The following PRUNE2 variants were observed in gnomAD, a reference collection of about 807,000 sequenced individuals.
The protein encoded by PRUNE2 is protein prune homolog 2.
A neutral mutation model predicts 252.0 loss-of-function variants in PRUNE2; 164 were observed. The observed-to-expected ratio is 0.65, with a 90% CI of 0.57 to 0.74. PRUNE2 has a LOEUF of 0.74. Among genes scored for constraint, PRUNE2 ranks in the 30% least tolerant of loss-of-function variants. The probability of loss-of-function intolerance (pLI) is 0.00; values close to 1 mark genes in which losing one functional copy is unlikely to be tolerated. For synonymous variants in PRUNE2, 1,292 were observed against 1,350.2 expected (o/e 0.96, Z 0.94); for missense variants, 3,495 against 3,711.0 (o/e 0.94, Z 1.51).
At chr9:76,659,519 A>T (rs765853540) in intron 9 of PRUNE2, among the ~76,000 whole-genome samples, 14 of 152,156 alleles carry the variant, frequency 9.2e-5, no homozygotes, top group Non-Finnish European at 1.6e-4. Context: ...CTTTAGATTG[A>T]CTTATTTTAT....
intron 4 of PRUNE2, among the ~76,000 whole-genome samples, chr9:76,842,461 T>C: frequency 6.6e-6 from 1 of 151,458 alleles, no homozygotes. Context: ...CCAAAAGCAA[T>C]GGCAACAAAA....
chr9:76,619,489 C>T, intron 17 of PRUNE2, 102 bp from the exon 18 acceptor site: 2 of 762,590 alleles, frequency 2.6e-6, no homozygotes, highest in Non-Finnish European at 4.5e-6. Flanking sequence ...AATGTGGTCC[C>T]ATTGCTAATA....
intron 6 of PRUNE2, among the ~76,000 whole-genome samples, chr9:76,754,964 C>CAAAA (rs11292120): frequency 4.4e-4 from 30 of 67,960 alleles, no homozygotes; most frequent in African/African-American, 1.2e-3. Context: ...GACTCGGTCT[C>CAAAA]AAAAAAAAAA....
chr9:76,614,500 C>G lies in PRUNE2; in HGVS notation c.*70G>C, dbSNP rs998248331. On this transcript the variant is annotated 3_prime_UTR_variant, in exon 19 of 19. Coordinates refer to ENST00000376718, the MANE Select transcript of PRUNE2 (RefSeq NM_015225.3). The stretch of plus-strand genomic sequence containing the variant: ...TGGAAAAAGGTAACATCAGCCCTGT[C>G]TCTTTCAGGTAGATATGTTTCAACA... The G allele has an allele frequency of 1.5e-6, 2 of 1,295,924 alleles. No homozygotes were observed. The highest frequency in any genetic ancestry group is 2.9e-5 in the African/African-American group (2 of 68,354). 80.3% of individuals were successfully genotyped at this position (1,295,924 alleles called of 1,614,324 possible).
At chr9:76,731,054 A>G (rs1043838311) in intron 6 of PRUNE2, among the ~76,000 whole-genome samples, 2 of 152,176 alleles carry the variant, frequency 1.3e-5, no homozygotes, top group Admixed American at 1.3e-4. Flanking sequence ...ATGATTTCAC[A>G]CTGAGAATAT....
chr9:76,680,181 AAAATGGGCAAAAG>A (rs2043267053), intron 9 of PRUNE2, among the ~76,000 whole-genome samples: 1 of 152,354 alleles, frequency 6.6e-6, no homozygotes, highest in South Asian at 2.1e-4. Flanking sequence ...ACCTGATTAA[AAAATGGGCAAAAG>A]AAATGGGCAA....
At chr9:76,640,684 C>G (rs1842210367) in intron 12 of PRUNE2, among the ~76,000 whole-genome samples, 1 of 152,068 alleles carries the variant, frequency 6.6e-6, no homozygotes, top group Non-Finnish European at 1.5e-5. Context: ...TTGCTTGTTA[C>G]AATAATTTCA....
intron 1 of PRUNE2, 55 bp downstream of exon 1, chr9:76,905,873 C>T: frequency 6.2e-7 from 1 of 1,610,980 alleles, no homozygotes; most frequent in South Asian, 1.1e-5. Flanking sequence ...TCCTCTCCAC[C>T]TTTCCATTAG....
intron 1 of PRUNE2, among the ~76,000 whole-genome samples, chr9:76,870,278 T>A (rs1216346999): frequency 7.9e-6 from 1 of 126,128 alleles, no homozygotes; most frequent in East Asian, 2.4e-4. Flanking sequence ...CTCCCTAACT[T>A]TTTTTTTTTT....
intron 4 of PRUNE2, among the ~76,000 whole-genome samples, chr9:76,844,467 T>C (rs942864408): frequency 6.6e-6 from 1 of 152,172 alleles, no homozygotes; most frequent in Non-Finnish European, 1.5e-5. Flanking sequence ...ACTATGCTTT[T>C]CCTACAGCCT....
intron 7 of PRUNE2, 55 bp from the exon 8 acceptor site, chr9:76,711,413 A>G (rs2046722929): frequency 1.7e-6 from 2 of 1,173,606 alleles, no homozygotes; most frequent in South Asian, 3.0e-5. Flanking sequence ...GCACTTTGCA[A>G]TTGCACTTTG....
chr9:76,831,230 A>G (rs535024975), intron 4 of PRUNE2, among the ~76,000 whole-genome samples: 9 of 152,232 alleles, frequency 5.9e-5, no homozygotes, highest in Non-Finnish European at 7.4e-5. Context: ...CACCCAGCCA[A>G]CAAATTCTAA....
chr9:76,678,182 T>A (rs2134142493), intron 9 of PRUNE2, among the ~76,000 whole-genome samples: 1 of 151,170 alleles, frequency 6.6e-6, no homozygotes, highest in Non-Finnish European at 1.5e-5. Context: ...CAAAACCCCG[T>A]CTCTACTAAA....
intron 1 of PRUNE2, among the ~76,000 whole-genome samples, chr9:76,904,418 T>C (rs1194484352): frequency 2.6e-5 from 4 of 151,800 alleles, no homozygotes; most frequent in African/African-American, 9.7e-5. Flanking sequence ...AAAATATTGA[T>C]AAATAAATGT....
chr9:76,836,534 T>C (rs2132223253), intron 4 of PRUNE2, among the ~76,000 whole-genome samples: 1 of 152,118 alleles, frequency 6.6e-6, no homozygotes, highest in East Asian at 1.9e-4. Context: ...TATGATCTCA[T>C]CTTTATGAGC....
At chr9:76,792,086 T>C (rs958473244) in intron 6 of PRUNE2, among the ~76,000 whole-genome samples, 2 of 152,094 alleles carry the variant, frequency 1.3e-5, no homozygotes, top group African/African-American at 4.8e-5. Context: ...GGTACTGATA[T>C]GGTTTGGCTG....
chr9:76,897,390 C>CTATTTTTTTTTTTTT (rs1564527202), intron 1 of PRUNE2, among the ~76,000 whole-genome samples: 1 of 56,252 alleles, frequency 1.8e-5, no homozygotes, highest in African/African-American at 6.1e-5. Context: ...AGGCAAACCT[C>CTATTTTTTTTTTTTT]TTTTTTTTTT....
intron 9 of PRUNE2, among the ~76,000 whole-genome samples, chr9:76,661,968 G>A (rs1036473040): frequency 3.3e-5 from 5 of 151,440 alleles, no homozygotes; most frequent in Non-Finnish European, 5.9e-5. Context: ...CTCTGACTTC[G>A]GGGCCATACC....
intron 1 of PRUNE2, among the ~76,000 whole-genome samples, chr9:76,897,165 G>T (rs1236919446): frequency 6.6e-6 from 1 of 151,984 alleles, no homozygotes; most frequent in Admixed American, 6.6e-5. Flanking sequence ...ACCCCTCTTG[G>T]GTCAGCGTGA....
Sources: gnomAD v4.1 joint callset for allele counts (sites outside exome capture counted in the v4.1 genomes callset) on GRCh38, gnomAD v4.1.1 for gene constraint, MANE v1.5 for transcripts, NCBI Gene and HGNC (gene_info 2026-07-23, HGNC 2026-07-21) for gene names.